Variants in NPFFR1 observed in about 807,000 individuals in gnomAD.
NPFFR1 encodes the protein neuropeptide FF receptor 1.
Under a neutral mutation model 12.7 loss-of-function variants are expected in NPFFR1, and 17 were observed. The ratio of observed to expected loss-of-function variants is 1.34; its 90% CI spans 0.92 to 2.01. The LOEUF (loss-of-function observed/expected upper bound fraction) is 2.01, where lower values mean the gene tolerates loss of function less well. Among genes scored for constraint, NPFFR1 ranks in the 30% most tolerant of loss-of-function variants. NPFFR1 has a pLI of 0.00. For missense variants in NPFFR1, 604 were observed against 606.5 expected, an observed-to-expected ratio of 1.00 and a Z score of 0.04; for synonymous variants, 296 against 264.5, an observed-to-expected ratio of 1.12 and a Z score of -1.16.
chr10:70,272,212 G>GA (rs869212595), intron 1 of NPFFR1, among the ~76,000 whole-genome samples: 6 of 638 alleles, frequency 9.4e-3, no homozygotes. Flanking sequence ...AGAAAGAAAG[G>GA]AAAGAAAGAA....
At chr10:70,270,013 T>C (rs1478396361) in intron 1 of NPFFR1, among the ~76,000 whole-genome samples, 1 of 152,198 alleles carries the variant, frequency 6.6e-6, no homozygotes, top group Non-Finnish European at 1.5e-5. Context: ...CCATAGCATC[T>C]GGTTTATGTT....
intron 1 of NPFFR1, among the ~76,000 whole-genome samples, chr10:70,269,327 A>G (rs1840726796): frequency 1.3e-5 from 2 of 150,458 alleles, no homozygotes; most frequent in South Asian, 4.2e-4. Flanking sequence ...GGGTTAATTT[A>G]AGGTTATTTT....
chr10:70,269,701 G>T (rs1043167840), intron 1 of NPFFR1, among the ~76,000 whole-genome samples: 3 of 152,068 alleles, frequency 2.0e-5, no homozygotes, highest in Admixed American at 6.6e-5. Context: ...AATAGAGACA[G>T]TGTTTCACCA....
chr10:70,259,833 T>C (rs925011254), intron 3 of NPFFR1, among the ~76,000 whole-genome samples: 1 of 152,242 alleles, frequency 6.6e-6, no homozygotes, highest in Admixed American at 6.5e-5. Flanking sequence ...AACCATCCTG[T>C]AGGGTAGCTA....
intron 1 of NPFFR1, among the ~76,000 whole-genome samples, chr10:70,271,618 TC>T (rs1372974332): frequency 2.6e-5 from 4 of 152,126 alleles, no homozygotes; most frequent in Non-Finnish European, 1.5e-5. Context: ...GAAGCCAGAC[TC>T]CTTATTGGTA....
At chr10:70,262,224 A>G (rs1840642277) in intron 2 of NPFFR1, among the ~76,000 whole-genome samples, 1 of 152,224 alleles carries the variant, frequency 6.6e-6, no homozygotes, top group African/African-American at 2.4e-5. Context: ...TAAATAATTA[A>G]CATCTATCAG....
intron 2 of NPFFR1, among the ~76,000 whole-genome samples, chr10:70,263,266 A>G (rs971766195): frequency 3.3e-5 from 5 of 152,198 alleles, no homozygotes; most frequent in African/African-American, 9.7e-5. Context: ...TAACAAAAAT[A>G]TTTAAATGTA....
intron 1 of NPFFR1, among the ~76,000 whole-genome samples, chr10:70,276,507 C>T (rs1332090339): frequency 6.6e-6 from 1 of 151,056 alleles, no homozygotes; most frequent in African/African-American, 2.4e-5. Context: ...TCTAATAATG[C>T]AATTTCAGTT....
chr10:70,266,867 T>C (rs1840698645), intron 1 of NPFFR1, among the ~76,000 whole-genome samples: 1 of 152,176 alleles, frequency 6.6e-6, no homozygotes, highest in Admixed American at 6.5e-5. Context: ...CAGCTGTTTT[T>C]CCCTATAGCC....
At chr10:70,278,998 T>C (rs1306773596) in intron 1 of NPFFR1, among the ~76,000 whole-genome samples, 6 of 152,232 alleles carry the variant, frequency 3.9e-5, no homozygotes, top group African/African-American at 1.2e-4. Flanking sequence ...TATAATTATA[T>C]AAATTTTTGG....
intron 1 of NPFFR1, among the ~76,000 whole-genome samples, chr10:70,269,514 ATT>A (rs112183102): frequency 1.1e-4 from 15 of 141,130 alleles, no homozygotes; most frequent in East Asian, 6.2e-4. Flanking sequence ...TCCCCACTGC[ATT>A]TTTTTTTTTT....
chr10:70,256,701 T>C (rs997679658), intron 3 of NPFFR1, among the ~76,000 whole-genome samples: 1 of 152,238 alleles, frequency 6.6e-6, no homozygotes, highest in African/African-American at 2.4e-5. Context: ...TACTACACTG[T>C]TGATTTACAG....
chr10:70,257,017 A>G lies in NPFFR1; in HGVS notation c.423-1190T>C, dbSNP rs1840579606. Among the ~76,000 whole-genome samples the G allele has an allele frequency of 2.0e-5, 3 of 152,216 alleles. No homozygotes were observed. The South Asian group carries it at 6.2e-4, about 31-fold the overall frequency. The stretch of plus-strand genomic sequence containing the variant: ...TGCCATGGTTCATGCTTATAATCCC[A>G]GCACTTTGGGAGGCCAAGGCAGGAG... On this transcript the variant is annotated intron_variant, in intron 3 of 3. Coordinates refer to ENST00000277942, the MANE Select transcript of NPFFR1 (RefSeq NM_022146.5).
At chr10:70,283,633 T>C in intron 1 of NPFFR1, 37 bp downstream of exon 1, 1 of 1,529,388 alleles carries the variant, frequency 6.5e-7, no homozygotes, top group Non-Finnish European at 8.8e-7. Flanking sequence ...GTCGGTACCC[T>C]GCCCCACGGC....
chr10:70,252,423 G>C lies in NPFFR1; in HGVS notation c.*2534C>G, dbSNP rs1840520515. ...TTATAGATACAGAGTTGCAGTTTGG[G>C]ATAATAAAAAATTCTGAAAATAGAT... On this transcript the variant is annotated 3_prime_UTR_variant, in exon 4 of 4. Transcript: ENST00000277942. 6.6e-6 allele frequency: 1 copy of C among 152,122 alleles called. No homozygotes were observed. The highest frequency in any genetic ancestry group is 1.5e-5 in the Non-Finnish European group (1 of 68,030). 9.4% of individuals were successfully genotyped at this position (152,122 alleles called of 1,614,324 possible). A position where few individuals can be genotyped will look rare whatever the true frequency, so the allele number is the denominator to read the frequency against.
chr10:70,255,501 G>C lies in NPFFR1; in HGVS notation c.749C>G (p.Ala250Gly). 1.3e-6 allele frequency: 2 copies of C among 1,547,748 alleles called. No individual in the cohort carries two copies. Among genetic ancestry groups the C allele is most frequent in the South Asian group, 2.4e-5 (2 of 83,906 alleles). Residue 250 changes from alanine (A) to glycine (G), a missense_variant, in exon 4 of 4, where the codon GCC (alanine) becomes GGC (glycine). By Grantham distance (60) the Ala-to-Gly change is moderately conservative (BLOSUM62 0). Coordinates refer to ENST00000277942, the MANE Select transcript of NPFFR1 (RefSeq NM_022146.5). This position sits in a 1 kb window ranked among gnomAD's most constrained non-coding sequence, Gnocchi z 4.2. ...ARKLCQAPGP[A>G]PGGEEAADPR... Reference sequence around the variant, plus strand: ...GTCCGCAGCCTCCTCGCCCCCGGGGGCCGGGCCCGGGGCCTGGCAGAGCTT... The same window carrying C: ...GTCCGCAGCCTCCTCGCCCCCGGGGCCCGGGCCCGGGGCCTGGCAGAGCTT...
At position 70,260,703 on chromosome 10, in the gene NPFFR1, C is replaced by A. The variant is rs1840623776; in HGVS notation, c.359G>T (p.Gly120Val). 3.7e-6 allele frequency: 6 copies of A among 1,609,648 alleles called. No individual in the cohort carries two copies. The highest frequency in any genetic ancestry group is 5.1e-6 in the Non-Finnish European group (6 of 1,178,014). Reference protein sequence around the residue: ...PFDNATCKMSGLVQGMSVSAS... With the variant: ...PFDNATCKMSVLVQGMSVSAS... The stretch of plus-strand genomic sequence containing the variant: ...CGACACAGACATGCCCTGCACCAAG[C>A]CGCTCATCTTGCATGTGGCATTGTC... The change falls in exon 3 of 4, where the codon GGC (glycine) becomes GTC (valine). Residue 120 changes from glycine (G) to valine (V), a missense_variant. Transcript: ENST00000277942.
At chr10:70,278,292 C>T (rs1337047230) in intron 1 of NPFFR1, among the ~76,000 whole-genome samples, 1 of 151,252 alleles carries the variant, frequency 6.6e-6, no homozygotes, top group Non-Finnish European at 1.5e-5. Context: ...TTTGGGACCT[C>T]CCCTACCCAC....
rs1001703241 is a variant in NPFFR1 at position 70,247,604 on chromosome 10, G to A, written c.*7353C>T. The A allele has an allele frequency of 1.3e-5, 2 of 152,170 alleles. No individual in the cohort carries two copies. Among genetic ancestry groups the A allele is most frequent in the Admixed American group, 6.5e-5 (1 of 15,278 alleles). The allele number at this position is 152,170 out of a possible 1,614,324, so 9.4% of individuals were successfully genotyped here. ...CCGAAAGGAAGACAGGGTGGTGATG[G>A]GGGGAGAGTGATTACTCCTCAAACA... On this transcript the variant is annotated 3_prime_UTR_variant, in exon 4 of 4. Transcript: ENST00000277942.
Sources: gnomAD v4.1 joint callset for allele counts (sites outside exome capture counted in the v4.1 genomes callset) on GRCh38, gnomAD v4.1.1 for gene constraint, Gnocchi (gnomAD v3.1) non-coding constraint, MANE v1.5 for transcripts, NCBI Gene and HGNC (gene_info 2026-07-23, HGNC 2026-07-21) for gene names.